AEBP2: variants seen among roughly 807,000 people sequenced by gnomAD.
The protein encoded by AEBP2 is AE binding protein 2, also known as zinc finger protein AEBP2.
Under a neutral mutation model 50.8 loss-of-function variants are expected in AEBP2, and 10 were observed. The observed-to-expected ratio is 0.20, with a 90% confidence interval of 0.12 to 0.33. The LOEUF (loss-of-function observed/expected upper bound fraction) is 0.33. Ranked by LOEUF, AEBP2 falls within the 10% of genes least tolerant of loss-of-function variation. The probability of loss-of-function intolerance (pLI) is 1.00; values close to 1 mark genes in which losing one functional copy is unlikely to be tolerated. For missense variants in AEBP2, 570 were observed against 688.0 expected (o/e 0.83, Z 1.92); for synonymous variants, 296 against 261.3 (o/e 1.13, Z -1.28).
intron 2 of AEBP2, among the ~76,000 whole-genome samples, chr12:19,470,997 A>G (rs1445859320): frequency 6.7e-6 from 1 of 149,092 alleles, no homozygotes; most frequent in African/African-American, 2.4e-5. Context: ...TAATGGCAAA[A>G]ACGGCAATGA....
chr12:19,513,503 A>T (rs1375389958), intron 6 of AEBP2, among the ~76,000 whole-genome samples: 2 of 152,166 alleles, frequency 1.3e-5, no homozygotes, highest in East Asian at 1.9e-4. Context: ...TATGCTGGTA[A>T]TCCCAGTGCT....
At chr12:19,494,569 C>G (rs1948942433) in intron 4 of AEBP2, among the ~76,000 whole-genome samples, 1 of 139,656 alleles carries the variant, frequency 7.2e-6, no homozygotes, top group Non-Finnish European at 1.5e-5. Context: ...TGGCGTGAGA[C>G]AGGGTTTCAC....
intron 3 of AEBP2, among the ~76,000 whole-genome samples, chr12:19,484,352 G>A (rs1266931658): frequency 6.7e-6 from 1 of 148,176 alleles, no homozygotes; most frequent in Non-Finnish European, 1.5e-5. Context: ...CCTCCCCTTG[G>A]TCTCAGAGAA....
intron 1 of AEBP2, among the ~76,000 whole-genome samples, chr12:19,433,303 G>T (rs1221365234): frequency 6.6e-6 from 1 of 151,928 alleles, no homozygotes; most frequent in Non-Finnish European, 1.5e-5. Flanking sequence ...CAGGACAATT[G>T]CTTGAACCCA....
chr12:19,501,866 G>T (rs113411031), intron 5 of AEBP2, among the ~76,000 whole-genome samples: 1,849 of 124,848 alleles, frequency 0.015, 30 homozygotes, highest in African/African-American at 0.052. Flanking sequence ...GTATTCACAG[G>T]TTCTGCGACC....
intron 2 of AEBP2, among the ~76,000 whole-genome samples, chr12:19,469,326 G>A (rs561951899): frequency 2.0e-5 from 3 of 152,300 alleles, no homozygotes; most frequent in East Asian, 3.9e-4. Context: ...GGAACCTTCA[G>A]TGTCTAATAT....
In AEBP2 at chr12:19,504,157, TC is replaced by T. The variant is rs1443444626; in HGVS notation, c.1299+3940del. ...TTTAGTTACTGCATAACCAATGTTG[TC>T]CCCTAACTTGAATTTTTCAGATAAT... On this transcript the variant is annotated intron_variant, in intron 5 of 7. Coordinates refer to ENST00000266508, the MANE Select transcript of AEBP2 (RefSeq NM_153207.5). 4.6e-5 allele frequency among the ~76,000 whole-genome samples: 7 copies of T among 152,058 alleles called. No homozygotes were observed. In the East Asian group the frequency reaches 1.4e-3, roughly 29 times the overall value.
chr12:19,419,571 A>G (rs1447521242), intron 1 of AEBP2, among the ~76,000 whole-genome samples: 1 of 151,664 alleles, frequency 6.6e-6, no homozygotes, highest in East Asian at 1.9e-4. Flanking sequence ...CCTGGGCGAC[A>G]GAGAGAGACT....
At chr12:19,491,958 T>G (rs1008055318) in intron 3 of AEBP2, among the ~76,000 whole-genome samples, 7 of 152,124 alleles carry the variant, frequency 4.6e-5, no homozygotes, top group African/African-American at 1.7e-4. Flanking sequence ...GTTATGATTT[T>G]TACAAATAAA....
chr12:19,468,126 TTGTG>T (rs10643072), intron 2 of AEBP2, among the ~76,000 whole-genome samples: 112 of 144,064 alleles, frequency 7.8e-4, no homozygotes, highest in Non-Finnish European at 1.3e-3. Context: ...CTGCCTGACT[TTGTG>T]TGTGTGTGTG....
Position 19,440,277 on chromosome 12 carries a change from G to A in AEBP2, c.578G>A (p.Gly193Glu), listed in dbSNP as rs1219617246. Residue 193 changes from glycine to glutamate, a missense_variant, in exon 1 of 8, where the codon GGA (glycine) becomes GAA (glutamate). Physicochemically the swap from Gly to Glu is moderately conservative, Grantham distance 98 (BLOSUM62 -2). This residue lies in a region of AEBP2 where 386 missense variants were observed against 336.8 expected (regional missense o/e 1.15). Coordinates refer to ENST00000266508, the MANE Select transcript of AEBP2 (RefSeq NM_153207.5). ...SGGDEGYGTG[G>E]GGSSATSGGR... is the part of the protein sequence containing the mutation. Reference sequence around the variant, plus strand: ...GGCGACGAGGGCTACGGGACTGGGGGAGGCGGAAGCAGCGCGACCTCCGGG... The same window carrying A: ...GGCGACGAGGGCTACGGGACTGGGGAAGGCGGAAGCAGCGCGACCTCCGGG... 2 of 1,467,786 alleles carry A rather than the reference G, an allele frequency of 1.4e-6. No homozygotes were observed. The highest frequency in any genetic ancestry group is 2.8e-5 in the South Asian group (2 of 71,686). 90.9% of individuals were successfully genotyped at this position (1,467,786 alleles called of 1,614,324 possible).
chr12:19,452,389 T>C lies in AEBP2; in HGVS notation c.672-10121T>C, dbSNP rs574963092. ...CTGTGTTAGCTGTTAATATAAAAAG[T>C]AGAAACAAGATTTAGAGTGCCTTTT... On this transcript the variant is annotated intron_variant, in intron 1 of 7. Transcript: ENST00000266508. 2.6e-5 allele frequency among the ~76,000 whole-genome samples: 4 copies of C among 152,364 alleles called. No homozygotes were observed. In the East Asian group the frequency reaches 7.7e-4, roughly 29 times the overall value.
chr12:19,424,460 G>A (rs769922535), intron 1 of AEBP2, among the ~76,000 whole-genome samples: 87 of 151,836 alleles, frequency 5.7e-4, no homozygotes, highest in African/African-American at 1.6e-3. Context: ...GCAGTGGCGC[G>A]ATCTCGGCTC....
rs1430439601 is a variant in AEBP2, at chr12:19,521,980, T to C, written c.*3863T>C. ...TTCTTAGTTTATATGAAAACTGATA[T>C]GTATGTCTGTGTAACAAAGCCTGTT... is the stretch of plus-strand genomic sequence containing the variant. On this transcript the variant is annotated 3_prime_UTR_variant, in exon 8 of 8. Transcript: ENST00000266508. 6.6e-6 allele frequency: 1 copy of C among 152,154 alleles called. No individual in the cohort carries two copies. The allele number at this position is 152,154 out of a possible 1,614,324, so 9.4% of individuals were successfully genotyped here. A position where few individuals can be genotyped will look rare whatever the true frequency, so the allele number is the denominator to read the frequency against.
intron 1 of AEBP2, among the ~76,000 whole-genome samples, chr12:19,447,061 T>C (rs937469101): frequency 6.6e-6 from 1 of 152,220 alleles, no homozygotes; most frequent in Non-Finnish European, 1.5e-5. Flanking sequence ...AAAGCCTAAC[T>C]GAAAACATGT....
chr12:19,421,749 T>A (rs750669251), intron 1 of AEBP2, among the ~76,000 whole-genome samples: 13 of 152,212 alleles, frequency 8.5e-5, no homozygotes, highest in Non-Finnish European at 1.6e-4. Flanking sequence ...TGTAGTTAGT[T>A]GTTTGATGGT....
At chr12:19,452,444 C>T (rs1287247762) in intron 1 of AEBP2, among the ~76,000 whole-genome samples, 1 of 151,836 alleles carries the variant, frequency 6.6e-6, no homozygotes, top group East Asian at 1.9e-4. Context: ...TACATAATTG[C>T]TTTTTTCCCC....
At chr12:19,450,048 T>C (rs1251725859) in intron 1 of AEBP2, among the ~76,000 whole-genome samples, 1 of 152,212 alleles carries the variant, frequency 6.6e-6, no homozygotes, top group Non-Finnish European at 1.5e-5. Context: ...TCTTTACTTT[T>C]TTTTCCTAAC....
chr12:19,506,906 G>A (rs891150562), intron 5 of AEBP2, among the ~76,000 whole-genome samples: 2 of 152,206 alleles, frequency 1.3e-5, no homozygotes, highest in African/African-American at 4.8e-5. Flanking sequence ...TTTGGCCTGG[G>A]CAGCTCCGTG....
Sources: allele counts gnomAD v4.1 joint callset (sites outside exome capture counted in the v4.1 genomes callset), GRCh38; gene constraint gnomAD v4.1.1; regional missense constraint gnomAD v4.1.1; transcripts MANE v1.5; gene names NCBI Gene and HGNC (gene_info 2026-07-23, HGNC 2026-07-21).